UNC5C: variants seen among roughly 807,000 people sequenced by gnomAD.
The protein encoded by UNC5C is netrin receptor UNC5C.
A neutral mutation model predicts 99.8 loss-of-function variants in UNC5C; 47 were observed. The observed-to-expected ratio is 0.47, with a 90% CI of 0.37 to 0.60. The LOEUF is 0.60. Among genes scored for constraint, UNC5C ranks in the 20% least tolerant of loss-of-function variants. The pLI is 0.00. For missense variants in UNC5C, 1,062 were observed against 1,165.9 expected, an observed-to-expected ratio of 0.91 and a Z score of 1.30; for synonymous variants, 487 against 452.2, an observed-to-expected ratio of 1.08 and a Z score of -0.98.
intron 10 of UNC5C, among the ~76,000 whole-genome samples, chr4:95,215,758 C>G (rs998813813): frequency 3.3e-5 from 5 of 152,128 alleles, no homozygotes; most frequent in Non-Finnish European, 7.3e-5. Context: ...ACCTTTGACT[C>G]TGTAATGGGA....
At chr4:95,543,031 T>TA (rs1299499543) in intron 1 of UNC5C, among the ~76,000 whole-genome samples, 2 of 152,054 alleles carry the variant, frequency 1.3e-5, no homozygotes, top group African/African-American at 4.8e-5. Flanking sequence ...AAAGTAGCAT[T>TA]AAAAAACAGC....
chr4:95,475,856 G>A (rs527468118), intron 1 of UNC5C, among the ~76,000 whole-genome samples: 40 of 151,998 alleles, frequency 2.6e-4, no homozygotes, highest in Non-Finnish European at 4.3e-4. Context: ...AAATACACAA[G>A]CTGTCTAATG....
chr4:95,394,324 G>A (rs371090331), intron 1 of UNC5C, among the ~76,000 whole-genome samples: 6 of 151,586 alleles, frequency 4.0e-5, no homozygotes, highest in Non-Finnish European at 5.9e-5. Context: ...TCTCACGAAT[G>A]GGGGGTGCTA....
intron 1 of UNC5C, among the ~76,000 whole-genome samples, chr4:95,521,721 G>A (rs2149490499): frequency 6.6e-6 from 1 of 152,272 alleles, no homozygotes; most frequent in Admixed American, 6.5e-5. Flanking sequence ...AAGCTACGTA[G>A]ATATTCATAA....
intron 1 of UNC5C, among the ~76,000 whole-genome samples, chr4:95,380,072 C>A (rs1432012537): frequency 6.6e-6 from 1 of 152,110 alleles, no homozygotes; most frequent in African/African-American, 2.4e-5. Context: ...TTCCAAAATT[C>A]TCTTTGGTCC....
intron 1 of UNC5C, among the ~76,000 whole-genome samples, chr4:95,489,789 G>A (rs1034139590): frequency 9.2e-5 from 14 of 151,760 alleles, no homozygotes; most frequent in African/African-American, 3.1e-4. Context: ...AACGGAAGAA[G>A]GGGGAGAAAC....
chr4:95,321,135 A>G (rs1356615996), intron 2 of UNC5C, among the ~76,000 whole-genome samples: 1 of 152,206 alleles, frequency 6.6e-6, no homozygotes, highest in African/African-American at 2.4e-5. Context: ...TCAAACATTA[A>G]AAATCTTCCC....
chr4:95,439,345 GAATC>G (rs973339888), intron 1 of UNC5C, among the ~76,000 whole-genome samples: 10 of 150,930 alleles, frequency 6.6e-5, no homozygotes, highest in Non-Finnish European at 2.9e-5. Flanking sequence ...GGAAAAATCT[GAATC>G]ATTTAGCAAA....
Position 95,383,016 on chromosome 4 carries a change from C to A in UNC5C, c.125-47385G>T, listed in dbSNP as rs75734600. 3.3e-3 allele frequency among the ~76,000 whole-genome samples: 500 copies of A among 152,280 alleles called. 18 individuals carry two copies. The East Asian group carries it at 0.083, about 25-fold the overall frequency. ...ACAGCAGTTCCTACTGTTGCTTTCC[C>A]CAAATTTCCATTTACTGTATTGTTA... On this transcript the variant is annotated intron_variant, in intron 1 of 15. Transcript: ENST00000453304.
chr4:95,282,629 G>C (rs754059289), intron 3 of UNC5C, among the ~76,000 whole-genome samples: 108 of 152,162 alleles, frequency 7.1e-4, no homozygotes, highest in Non-Finnish European at 8.5e-4. Flanking sequence ...GTAGAAATAT[G>C]ATTGGACAAA....
intron 1 of UNC5C, among the ~76,000 whole-genome samples, chr4:95,462,645 A>T (rs1359740676): frequency 6.6e-6 from 1 of 152,204 alleles, no homozygotes; most frequent in African/African-American, 2.4e-5. Context: ...TGTTTTAGAC[A>T]TTTCCTAAAA....
At chr4:95,218,253 T>C (rs1738334351) in intron 9 of UNC5C, among the ~76,000 whole-genome samples, 1 of 152,208 alleles carries the variant, frequency 6.6e-6, no homozygotes, top group African/African-American at 2.4e-5. Context: ...CCAAGCTCAT[T>C]ACTAATATTG....
chr4:95,224,468 A>G (rs570851506), intron 7 of UNC5C, among the ~76,000 whole-genome samples: 427 of 152,344 alleles, frequency 2.8e-3, no homozygotes, highest in Middle Eastern at 0.014. Context: ...GACCAAGAAT[A>G]GAGAATATAA....
chr4:95,529,377 T>A (rs1311764515), intron 1 of UNC5C, among the ~76,000 whole-genome samples: 5 of 148,338 alleles, frequency 3.4e-5, no homozygotes, highest in Non-Finnish European at 3.0e-5. Flanking sequence ...ACATAAAAAA[T>A]ATATATATAC....
chr4:95,365,783 C>A (rs1245251952), intron 1 of UNC5C, among the ~76,000 whole-genome samples: 2 of 152,064 alleles, frequency 1.3e-5, no homozygotes, highest in African/African-American at 4.8e-5. Context: ...AATAGCAAGA[C>A]CCAGTTGTCT....
intron 1 of UNC5C, among the ~76,000 whole-genome samples, chr4:95,510,490 G>A (rs1218782032): frequency 6.6e-6 from 1 of 151,860 alleles, no homozygotes; most frequent in Non-Finnish European, 1.5e-5. Context: ...CAGCCACTGA[G>A]AATACAGAAT....
chr4:95,463,203 T>C (rs1299742544), intron 1 of UNC5C, among the ~76,000 whole-genome samples: 1 of 152,012 alleles, frequency 6.6e-6, no homozygotes, highest in Non-Finnish European at 1.5e-5. Context: ...CTGCAGTGCC[T>C]AACTGTGACC....
At chr4:95,182,417 A>G (rs921266144) in intron 14 of UNC5C, among the ~76,000 whole-genome samples, 1 of 152,150 alleles carries the variant, frequency 6.6e-6, no homozygotes, top group African/African-American at 2.4e-5. Flanking sequence ...GGAGAAGAAG[A>G]AAAAGGGAGC....
At chr4:95,221,331 T>C (rs1199188005) in intron 7 of UNC5C, among the ~76,000 whole-genome samples, 1 of 152,180 alleles carries the variant, frequency 6.6e-6, no homozygotes, top group Admixed American at 6.5e-5. Context: ...TTTATATACA[T>C]GTACATTTTT....
Sources: allele counts gnomAD v4.1 joint callset (sites outside exome capture counted in the v4.1 genomes callset), GRCh38; gene constraint gnomAD v4.1.1; transcripts MANE v1.5; gene names NCBI Gene and HGNC (gene_info 2026-07-23, HGNC 2026-07-21).